Variants in FER observed in about 807,000 individuals in gnomAD.
The protein encoded by FER is FER tyrosine kinase, also known as tyrosine-protein kinase Fer.
FER carries 63 observed loss-of-function variants against 111.0 expected under a neutral mutation model. The observed-to-expected ratio is 0.57, with a 90% CI of 0.46 to 0.70. The LOEUF is 0.70. FER is among the 30% of genes least tolerant of loss of function. The pLI, the probability that FER is intolerant of heterozygous loss-of-function variation, is 0.00. For synonymous variants in FER, 327 were observed against 313.9 expected (o/e 1.04, Z -0.44); for missense variants, 914 against 954.0 (o/e 0.96, Z 0.55).
chr5:109,034,918 G>A (rs754841804), intron 13 of FER, among the ~76,000 whole-genome samples: 5 of 151,166 alleles, frequency 3.3e-5, no homozygotes, highest in African/African-American at 1.2e-4. Flanking sequence ...CAAATGGAAA[G>A]TACAGCTCTT....
chr5:109,015,822 G>A (rs1005086388), intron 13 of FER, among the ~76,000 whole-genome samples: 2 of 151,824 alleles, frequency 1.3e-5, no homozygotes, highest in African/African-American at 4.8e-5. Context: ...TCAGAAATTG[G>A]CTTTTTTCTG....
At chr5:109,051,398 G>A (rs116422337) in intron 16 of FER, 3 of 1,612,318 alleles carry the variant, frequency 1.9e-6, no homozygotes, top group African/African-American at 2.7e-5. Context: ...ATGGCTAGTG[G>A]CTGTAGTTCA....
chr5:109,013,717 A>G (rs1200174148), intron 13 of FER, among the ~76,000 whole-genome samples: 3 of 151,870 alleles, frequency 2.0e-5, no homozygotes, highest in Admixed American at 1.3e-4. Flanking sequence ...AAGTGTTCCT[A>G]TTTCTCCACA....
chr5:109,064,492 C>G (rs1021180923), intron 16 of FER, among the ~76,000 whole-genome samples: 1 of 152,084 alleles, frequency 6.6e-6, no homozygotes, highest in African/African-American at 2.4e-5. Context: ...TCTGTCACCT[C>G]TTTGAGTGGT....
At position 109,125,803 on chromosome 5, in the gene FER, A is replaced by G. The variant is rs530747423; in HGVS notation, c.2048+25284A>G. On this transcript the variant is annotated intron_variant, in intron 17 of 19. Coordinates refer to ENST00000281092, the MANE Select transcript of FER (RefSeq NM_005246.4). ...ATCATCTCATGTAAGACTTTTGAGA[A>G]ATAGTTTTAGAATAAGAACATTCCC... Among the ~76,000 whole-genome samples, 171 of 152,340 alleles carry G rather than the reference A, an allele frequency of 1.1e-3. 1 individual carries two copies. Among genetic ancestry groups the G allele is most frequent in the Non-Finnish European group, 2.0e-3 (135 of 68,030 alleles).
intron 18 of FER, among the ~76,000 whole-genome samples, chr5:109,185,259 T>G (rs1231279178): frequency 6.6e-6 from 1 of 152,178 alleles, no homozygotes; most frequent in African/African-American, 2.4e-5. Context: ...CCTAGGTATT[T>G]CAACAAAACA....
chr5:108,821,718 TTA>T (rs1348255707), intron 3 of FER, among the ~76,000 whole-genome samples: 3 of 151,604 alleles, frequency 2.0e-5, no homozygotes, highest in Non-Finnish European at 4.4e-5. Flanking sequence ...TATAATATAA[TTA>T]TTTTATTTTT....
At chr5:109,142,640 G>C (rs1325146903) in intron 17 of FER, among the ~76,000 whole-genome samples, 3 of 152,086 alleles carry the variant, frequency 2.0e-5, no homozygotes, top group Non-Finnish European at 2.9e-5. Flanking sequence ...AGCATATACA[G>C]TATATGGTAT....
intron 17 of FER, among the ~76,000 whole-genome samples, chr5:109,107,061 A>G (rs1013515743): frequency 1.3e-5 from 2 of 152,152 alleles, no homozygotes; most frequent in African/African-American, 2.4e-5. Context: ...AATGAAGGGA[A>G]TAGTAGTACA....
intron 13 of FER, among the ~76,000 whole-genome samples, chr5:108,997,256 A>AAAT (rs1764110737): frequency 6.7e-6 from 1 of 150,278 alleles, no homozygotes; most frequent in Non-Finnish European, 1.5e-5. Flanking sequence ...AAAAAAAAAA[A>AAAT]ATACAAAAAA....
intron 11 of FER, among the ~76,000 whole-genome samples, chr5:108,948,808 C>G (rs72789308): frequency 0.13 from 20,483 of 152,028 alleles, 1,430 homozygotes; most frequent in Middle Eastern, 0.16. Context: ...AGTTGTATCA[C>G]TGATATATGG....
chr5:108,918,867 A>G (rs1010153408), intron 10 of FER, among the ~76,000 whole-genome samples: 6 of 152,180 alleles, frequency 3.9e-5, no homozygotes, highest in African/African-American at 1.4e-4. Flanking sequence ...GGATAATTGT[A>G]TTCTGTGTGG....
At chr5:109,146,586 A>C (rs1185315850) in intron 17 of FER, among the ~76,000 whole-genome samples, 2 of 151,922 alleles carry the variant, frequency 1.3e-5, no homozygotes, top group Admixed American at 1.3e-4. Context: ...AAATTTTTAA[A>C]TTATGAACAT....
At chr5:108,844,159 T>G (rs1017475522) in intron 5 of FER, among the ~76,000 whole-genome samples, 15 of 148,646 alleles carry the variant, frequency 1.0e-4, no homozygotes, top group Admixed American at 6.7e-4. Context: ...TGTGAACATA[T>G]ATATGTGTGA....
chr5:109,013,047 A>G (rs902779468), intron 13 of FER, among the ~76,000 whole-genome samples: 3 of 149,414 alleles, frequency 2.0e-5, no homozygotes, highest in African/African-American at 7.4e-5. Context: ...TAGTGTTATC[A>G]TTGCTTTTGC....
At chr5:109,113,060 A>G (rs1749813937) in intron 17 of FER, among the ~76,000 whole-genome samples, 1 of 152,162 alleles carries the variant, frequency 6.6e-6, no homozygotes, top group Admixed American at 6.6e-5. Context: ...ATGATCTAAA[A>G]TCCTCTAGGT....
chr5:108,836,081 T>C (rs1191281639), intron 5 of FER, among the ~76,000 whole-genome samples: 1 of 152,096 alleles, frequency 6.6e-6, no homozygotes, highest in Non-Finnish European at 1.5e-5. Context: ...TTTTCTCTCT[T>C]GCATCATATT....
intron 2 of FER, among the ~76,000 whole-genome samples, chr5:108,792,732 T>C (rs1755519531): frequency 6.6e-6 from 1 of 152,030 alleles, no homozygotes; most frequent in Admixed American, 6.5e-5. Context: ...TTGGTGCTTT[T>C]GTAATAGAAT....
chr5:108,952,286 G>A (rs943311512), intron 11 of FER, among the ~76,000 whole-genome samples: 1 of 143,462 alleles, frequency 7.0e-6, no homozygotes. Context: ...TCATTATGGT[G>A]GGCTCTTGGG....
Sources: gnomAD v4.1 joint callset for allele counts (sites outside exome capture counted in the v4.1 genomes callset) on GRCh38, gnomAD v4.1.1 for gene constraint, MANE v1.5 for transcripts, NCBI Gene and HGNC (gene_info 2026-07-23, HGNC 2026-07-21) for gene names.